Variants in ANK2 observed in about 807,000 individuals in gnomAD.
The protein encoded by ANK2 is ankyrin 2.
In ANK2, 83 loss-of-function variants were observed where a neutral mutation model predicts 360.5. The observed-to-expected ratio is 0.23, with a 90% CI of 0.19 to 0.28. The LOEUF (loss-of-function observed/expected upper bound fraction) is 0.28, where lower values mean the gene tolerates loss of function less well. Among genes scored for constraint, ANK2 ranks in the 10% least tolerant of loss-of-function variants. The probability of loss-of-function intolerance (pLI) is 1.00; values close to 1 mark genes in which losing one functional copy is unlikely to be tolerated. For synonymous variants in ANK2, 1,740 were observed against 1,759.5 expected, an observed-to-expected ratio of 0.99 and a Z score of 0.28; for missense variants, 4,201 against 4,795.7, an observed-to-expected ratio of 0.88 and a Z score of 3.66.
At chr4:113,169,464 T>C (rs892229772) in intron 1 of ANK2, among the ~76,000 whole-genome samples, 3 of 152,218 alleles carry the variant, frequency 2.0e-5, no homozygotes, top group Admixed American at 2.0e-4. Context: ...TAAATGACCC[T>C]GTTTTTACAA....
chr4:112,946,193 C>G (rs776276629), intron 2 of ANK2, among the ~76,000 whole-genome samples: 1 of 152,100 alleles, frequency 6.6e-6, no homozygotes, highest in Non-Finnish European at 1.5e-5. Context: ...GAGCGGGAGA[C>G]AGGAATATCC....
chr4:112,780,013 A>G, the ANK2 span, among the ~76,000 whole-genome samples: 1 of 152,128 alleles, frequency 6.6e-6, no homozygotes. Context: ...ATCTGAAGTC[A>G]GGAGTTCAAG....
the ANK2 span, among the ~76,000 whole-genome samples, chr4:112,790,528 C>T: frequency 6.8e-6 from 1 of 146,882 alleles, no homozygotes; most frequent in South Asian, 2.2e-4. Flanking sequence ...TGCTCTGTCG[C>T]CCAGGCTGGG....
chr4:113,365,931 T>C (rs933685729), intron 41 of ANK2, among the ~76,000 whole-genome samples: 1 of 152,210 alleles, frequency 6.6e-6, no homozygotes, highest in African/African-American at 2.4e-5. Context: ...TCTAAAGCCA[T>C]CATCTCTTGT....
intron 1 of ANK2, among the ~76,000 whole-genome samples, chr4:113,121,357 G>A (rs2095341742): frequency 1.3e-5 from 2 of 152,138 alleles, no homozygotes; most frequent in African/African-American, 4.8e-5. Context: ...TACACTGGGT[G>A]TAGATTATAA....
At chr4:112,888,775 G>T (rs994951800) in intron 1 of ANK2, among the ~76,000 whole-genome samples, 1 of 152,188 alleles carries the variant, frequency 6.6e-6, no homozygotes, top group South Asian at 2.1e-4. Flanking sequence ...CATGACAAAT[G>T]TTTTTGGTCC....
chr4:113,305,817 G>A lies in ANK2; in HGVS notation c.2548+2978G>A, dbSNP rs542055774. ...TCTACAGTCTATTGTTTTATTAGTA[G>A]TAATAGTGTATTGACACCCAAAAAG... On this transcript the variant is annotated intron_variant, in intron 23 of 45. Transcript: ENST00000357077. Among the ~76,000 whole-genome samples the A allele has an allele frequency of 3.2e-4, 49 of 152,262 alleles. 1 individual carries two copies. The South Asian group carries it at 1.0e-2, about 31-fold the overall frequency.
intron 1 of ANK2, among the ~76,000 whole-genome samples, chr4:113,143,304 G>A (rs974189870): frequency 2.3e-4 from 8 of 34,166 alleles, no homozygotes; most frequent in African/African-American, 1.1e-3. Flanking sequence ...GCATGGCGGT[G>A]GAATGGGTAT....
At chr4:113,154,154 C>T (rs140055193) in intron 1 of ANK2, among the ~76,000 whole-genome samples, 4 of 152,330 alleles carry the variant, frequency 2.6e-5, no homozygotes, top group Non-Finnish European at 5.9e-5. Context: ...TTCTGCATTT[C>T]ATATGCATCA....
At chr4:113,282,643 A>C in intron 17 of ANK2, 32 bp from the exon 18 acceptor site, 3 of 1,521,036 alleles carry the variant, frequency 2.0e-6, no homozygotes, top group South Asian at 1.2e-5. Flanking sequence ...ATCTTACTCT[A>C]TATGCATGTG....
At chr4:113,125,005 T>C (rs1477922541) in intron 1 of ANK2, among the ~76,000 whole-genome samples, 2 of 152,168 alleles carry the variant, frequency 1.3e-5, no homozygotes, top group Non-Finnish European at 2.9e-5. Flanking sequence ...ATTATAAACA[T>C]GTATCTTAAT....
intron 1 of ANK2, among the ~76,000 whole-genome samples, chr4:112,851,808 G>A (rs934651577): frequency 1.3e-5 from 2 of 152,168 alleles, no homozygotes; most frequent in South Asian, 2.1e-4. Flanking sequence ...ATTTTTAGTA[G>A]AGACGAGGTT....
In ANK2 at chr4:113,030,831, A is replaced by G. The variant is rs568304182; in HGVS notation, c.21+126317A>G. ...GATGAGTACAGGTTTAAAACATTTC[A>G]AAAGATGAGCTGAAAACTGCCTTGT... is the stretch of plus-strand genomic sequence containing the variant. On this transcript the variant is annotated intron_variant, in intron 2 of 30. Coordinates refer to the ANK2 transcript ENST00000503271. Among the ~76,000 whole-genome samples, 8 of 152,230 alleles carry G rather than the reference A, an allele frequency of 5.3e-5. No individual in the cohort carries two copies. In the South Asian group the frequency reaches 1.7e-3, roughly 32 times the overall value.
At position 113,258,309 on chromosome 4, in the gene ANK2, G is replaced by A. The variant is rs780788513; in HGVS notation, c.1288-4G>A. On this transcript the variant is annotated splice_region_variant and splice_polypyrimidine_tract_variant and intron_variant, in intron 12 of 45. Coordinates refer to ENST00000357077, the MANE Select transcript of ANK2 (RefSeq NM_001148.6). ...AGTAAAACTGCTGTTGCTTTGTTTCGCAGTCTGGCCTCACACCAATACATG... is the reference window on the plus strand; with the variant it reads ...AGTAAAACTGCTGTTGCTTTGTTTCACAGTCTGGCCTCACACCAATACATG... The A allele has an allele frequency of 1.6e-5, 26 of 1,613,590 alleles. No homozygotes were observed. Among genetic ancestry groups the A allele is most frequent in the South Asian group, 3.3e-5 (3 of 91,074 alleles).
intron 23 of ANK2, among the ~76,000 whole-genome samples, chr4:113,305,125 G>A (rs1050433109): frequency 4.0e-5 from 6 of 151,518 alleles, no homozygotes; most frequent in African/African-American, 9.7e-5. Context: ...CGGATCACGA[G>A]GTCAGGAGAT....
intron 2 of ANK2, among the ~76,000 whole-genome samples, chr4:112,911,778 AT>A (rs2087539991): frequency 6.6e-6 from 1 of 152,264 alleles, no homozygotes; most frequent in Non-Finnish European, 1.5e-5. Context: ...TTTAGAGAAT[AT>A]TTGAGTTAGC....
the ANK2 span, chr4:112,706,687 A>C: frequency 6.6e-6 from 1 of 152,108 alleles, no homozygotes; most frequent in East Asian, 1.9e-4. Context: ...GGAGAGCAGG[A>C]ACCTCATCTA....
rs199982030 is a variant in ANK2 at position 112,997,866 on chromosome 4, T to C, written c.21+93352T>C. 2.4e-3 allele frequency among the ~76,000 whole-genome samples: 364 copies of C among 150,828 alleles called. 1 individual carries two copies. Among genetic ancestry groups the C allele is most frequent in the Middle Eastern group, 0.01 (3 of 294 alleles). On this transcript the variant is annotated intron_variant, in intron 2 of 30. Coordinates refer to the ANK2 transcript ENST00000503271. The stretch of plus-strand genomic sequence containing the variant: ...ATATATATACACACACACATATATA[T>C]ACACACACACACATACACATACATT...
rs1409245979 is a variant in ANK2, at chr4:113,043,242, AT to A, written c.22-131173del. On this transcript the variant is annotated intron_variant, in intron 2 of 30. Coordinates refer to the ANK2 transcript ENST00000503271. ...ATAAAAAAGGCCTCTTGCCTGGCCC[AT>A]GATCCTCACTTTAGCTTCCAAGGAG... Among the ~76,000 whole-genome samples the A allele has an allele frequency of 2.0e-5, 3 of 152,270 alleles. No homozygotes were observed. The East Asian group carries it at 5.8e-4, about 29-fold the overall frequency.
Sources: gnomAD v4.1 joint callset for allele counts (sites outside exome capture counted in the v4.1 genomes callset) on GRCh38, gnomAD v4.1.1 for gene constraint, MANE v1.5 for transcripts, NCBI Gene and HGNC (gene_info 2026-07-23, HGNC 2026-07-21) for gene names.